Variants in RBFOX1 observed in about 807,000 individuals in gnomAD.
The protein encoded by RBFOX1 is RNA binding fox-1 homolog 1.
In RBFOX1, 8 loss-of-function variants were observed where a neutral mutation model predicts 57.7. The observed-to-expected ratio is 0.14, with a 90% CI of 0.08 to 0.25. The LOEUF (loss-of-function observed/expected upper bound fraction) is 0.25. Ranked by LOEUF, RBFOX1 falls within the 10% of genes least tolerant of loss-of-function variation. RBFOX1 has a pLI of 1.00. For missense variants in RBFOX1, 611 were observed against 548.5 expected, an observed-to-expected ratio of 1.11 and a Z score of -1.14; for synonymous variants, 326 against 222.4, an observed-to-expected ratio of 1.47 and a Z score of -4.15.
At chr16:6,270,784 C>T (rs959932350) in intron 1 of RBFOX1, among the ~76,000 whole-genome samples, 1 of 152,112 alleles carries the variant, frequency 6.6e-6, no homozygotes, top group Admixed American at 6.5e-5. Context: ...TTTTTCATGT[C>T]CATGGGAGAT....
chr16:6,296,856 G>A (rs1303149705), intron 1 of RBFOX1, among the ~76,000 whole-genome samples: 1 of 152,186 alleles, frequency 6.6e-6, no homozygotes, highest in Non-Finnish European at 1.5e-5. Flanking sequence ...AGGGTTCTTG[G>A]ATCTTGTGCA....
At position 7,423,327 on chromosome 16, in the gene RBFOX1, G is replaced by C. The variant is rs1219055487; in HGVS notation, c.28-94820G>C. Among the ~76,000 whole-genome samples the C allele has an allele frequency of 2.6e-5, 4 of 152,018 alleles. No individual in the cohort carries two copies. The South Asian group carries it at 6.2e-4, about 24-fold the overall frequency. On this transcript the variant is annotated intron_variant, in intron 4 of 15. Coordinates refer to ENST00000550418, the MANE Select transcript of RBFOX1 (RefSeq NM_018723.4). Reference sequence around the variant, plus strand: ...TTTTCTCACCAGTTCTAAACACAAAGAGTGCATCTTGCAAAAATATAAAAA... The same window carrying C: ...TTTTCTCACCAGTTCTAAACACAAACAGTGCATCTTGCAAAAATATAAAAA...
At chr16:6,718,414 G>C (rs917640669) in intron 3 of RBFOX1, among the ~76,000 whole-genome samples, 3 of 152,176 alleles carry the variant, frequency 2.0e-5, no homozygotes, top group African/African-American at 7.2e-5. Flanking sequence ...TTGAAAAGTG[G>C]TGTAAGGAAG....
At chr16:6,592,773 A>T (rs2153991038) in intron 2 of RBFOX1, among the ~76,000 whole-genome samples, 1 of 152,242 alleles carries the variant, frequency 6.6e-6, no homozygotes, top group South Asian at 2.1e-4. Context: ...AATAGAGGTT[A>T]TTCTGTTGTA....
chr16:5,378,100 A>T (rs1045897345), intron 1 of RBFOX1, among the ~76,000 whole-genome samples: 2 of 151,466 alleles, frequency 1.3e-5, no homozygotes, highest in Non-Finnish European at 2.9e-5. Context: ...GGGAAAGAGG[A>T]GTGGGGAATA....
At chr16:7,676,395 A>G (rs2073283139) in intron 13 of RBFOX1, among the ~76,000 whole-genome samples, 1 of 152,248 alleles carries the variant, frequency 6.6e-6, no homozygotes, top group African/African-American at 2.4e-5. Context: ...TTAATATCTG[A>G]TAAAGGTAAA....
chr16:7,396,345 A>C (rs1428206481), intron 4 of RBFOX1, among the ~76,000 whole-genome samples: 1 of 152,160 alleles, frequency 6.6e-6, no homozygotes, highest in Non-Finnish European at 1.5e-5. Flanking sequence ...CTCAGTTACA[A>C]GCGGATTCAA....
At chr16:5,997,160 T>C (rs918845855) in intron 4 of RBFOX1, among the ~76,000 whole-genome samples, 31 of 152,026 alleles carry the variant, frequency 2.0e-4, no homozygotes, top group Admixed American at 6.6e-5. Context: ...AGCACCTCCG[T>C]CTCTGCTGGT....
intron 4 of RBFOX1, among the ~76,000 whole-genome samples, chr16:7,110,356 G>A (rs958395877): frequency 1.3e-5 from 2 of 151,496 alleles, no homozygotes; most frequent in Non-Finnish European, 2.9e-5. Flanking sequence ...GCAAGATCCT[G>A]ACTCTTAAAA....
At chr16:6,089,854 A>G (rs1210368728) in intron 1 of RBFOX1, among the ~76,000 whole-genome samples, 1 of 152,166 alleles carries the variant, frequency 6.6e-6, no homozygotes, top group Non-Finnish European at 1.5e-5. Flanking sequence ...AATCCTCTTA[A>G]GAACACACAA....
chr16:6,075,858 C>T (rs771532868), intron 1 of RBFOX1, among the ~76,000 whole-genome samples: 17 of 152,302 alleles, frequency 1.1e-4, no homozygotes, highest in Middle Eastern at 3.4e-3. Flanking sequence ...TTATTCTGTG[C>T]CTGCCAGTCA....
intron 4 of RBFOX1, among the ~76,000 whole-genome samples, chr16:5,972,485 C>T (rs940503043): frequency 1.3e-5 from 2 of 152,176 alleles, no homozygotes; most frequent in Non-Finnish European, 2.9e-5. Context: ...CCAGCGTCCT[C>T]TCTTAAAATG....
At position 6,164,182 on chromosome 16, in the gene RBFOX1, A is replaced by G. The variant is rs146216470; in HGVS notation, c.-127+144190A>G. On this transcript the variant is annotated intron_variant, in intron 1 of 15. Coordinates refer to ENST00000550418, the MANE Select transcript of RBFOX1 (RefSeq NM_018723.4). ...ATCCAAAGACTACACTGCAGAAGGA[A>G]TTGTTTACTTGGACATTAGTCTACA... 2.5e-3 allele frequency among the ~76,000 whole-genome samples: 381 copies of G among 152,306 alleles called. 1 individual carries two copies. Among genetic ancestry groups the G allele is most frequent in the Middle Eastern group, 0.014 (4 of 294 alleles).
At chr16:6,697,126 G>A (rs2061167344) in intron 3 of RBFOX1, among the ~76,000 whole-genome samples, 1 of 152,178 alleles carries the variant, frequency 6.6e-6, no homozygotes, top group East Asian at 1.9e-4. Context: ...TGAATTGCTT[G>A]AAGATATTCA....
chr16:6,559,719 G>A (rs952499198), intron 2 of RBFOX1, among the ~76,000 whole-genome samples: 1 of 151,928 alleles, frequency 6.6e-6, no homozygotes, highest in African/African-American at 2.4e-5. Flanking sequence ...TATAATCTGT[G>A]TGTGTCTATA....
chr16:7,001,550 G>T (rs749932740), intron 3 of RBFOX1, among the ~76,000 whole-genome samples: 7 of 152,018 alleles, frequency 4.6e-5, no homozygotes, highest in Non-Finnish European at 7.4e-5. Context: ...TCCGCCTCCC[G>T]GGTTCAAGTG....
chr16:6,837,124 C>T (rs1034247962), intron 3 of RBFOX1, among the ~76,000 whole-genome samples: 8 of 152,186 alleles, frequency 5.3e-5, no homozygotes, highest in Non-Finnish European at 2.9e-5. Flanking sequence ...CCCTTGTTTG[C>T]AAACAGTACA....
At chr16:5,602,142 G>T (rs1214489672), downstream of RBFOX1, among the ~76,000 whole-genome samples, 1 of 152,200 alleles carries the variant, frequency 6.6e-6, no homozygotes, top group African/African-American at 2.4e-5. Context: ...TTCCTGTCTT[G>T]CCTTGGAATG....
intron 1 of RBFOX1, among the ~76,000 whole-genome samples, chr16:5,393,330 C>A (rs992602933): frequency 2.6e-5 from 4 of 152,186 alleles, no homozygotes; most frequent in African/African-American, 9.7e-5. Flanking sequence ...AAGCCGAATA[C>A]TTGGCAGCTT....
Sources: gnomAD v4.1 joint callset for allele counts (sites outside exome capture counted in the v4.1 genomes callset) on GRCh38, gnomAD v4.1.1 for gene constraint, MANE v1.5 for transcripts, NCBI Gene and HGNC (gene_info 2026-07-23, HGNC 2026-07-21) for gene names.